The following OR10H1 variants were observed in gnomAD, a reference collection of about 807,000 sequenced individuals.
The protein encoded by OR10H1 is olfactory receptor 10H1.
In OR10H1, 12 loss-of-function variants were observed where a neutral mutation model predicts 13.1. That is an observed-to-expected ratio of 0.92 (90% confidence interval 0.59 to 1.48). The LOEUF (loss-of-function observed/expected upper bound fraction) is 1.48. Among genes scored for constraint, OR10H1 ranks in the 40% most tolerant of loss-of-function variants. The probability of loss-of-function intolerance (pLI) is 0.00; values close to 1 mark genes in which losing one functional copy is unlikely to be tolerated. For synonymous variants in OR10H1, 168 were observed against 175.6 expected, an observed-to-expected ratio of 0.96 and a Z score of 0.34; for missense variants, 363 against 413.1, an observed-to-expected ratio of 0.88 and a Z score of 1.05.
intron 3 of OR10H1, 23 bp from the exon 4 acceptor site, chr19:15,808,071 G>C (rs778951587): frequency 6.4e-7 from 1 of 1,566,552 alleles, no homozygotes; most frequent in Non-Finnish European, 8.7e-7. Context: ...GTGACAGGGA[G>C]ATGTCAGTTA....
rs142695544 is a variant in OR10H1 at position 15,806,021 on chromosome 19, G to A, written c.*1060C>T. Reference sequence around the variant, plus strand: ...GATCTGTGCAATGCTGAAATTTAGGGTACTTTTCTCTCCTCTGCTATAATC... The same window carrying A: ...GATCTGTGCAATGCTGAAATTTAGGATACTTTTCTCTCCTCTGCTATAATC... On this transcript the variant is annotated 3_prime_UTR_variant, in exon 4 of 4. Transcript: ENST00000641419. 10 of 152,242 alleles carry A rather than the reference G, an allele frequency of 6.6e-5. No homozygotes were observed. The highest frequency in any genetic ancestry group is 2.0e-4 in the Admixed American group (3 of 15,280). 9.4% of individuals were successfully genotyped at this position (152,242 alleles called of 1,614,324 possible). A position where few individuals can be genotyped will look rare whatever the true frequency, so the allele number is the denominator to read the frequency against.
chr19:15,808,395 G>A (rs1196071316), intron 3 of OR10H1, among the ~76,000 whole-genome samples: 2 of 152,072 alleles, frequency 1.3e-5, no homozygotes, highest in Non-Finnish European at 2.9e-5. Flanking sequence ...GCCCCCAAAC[G>A]AAAATGCTCC....
chr19:15,810,985 G>T (rs913974742), intron 2 of OR10H1, among the ~76,000 whole-genome samples: 3 of 152,132 alleles, frequency 2.0e-5, no homozygotes, highest in Non-Finnish European at 4.4e-5. Context: ...ATTTTAGAAA[G>T]GGTAGTTCAC....
chr19:15,814,468 TGTGTGTGTGTGTGAGAGAGAGAGAGA>T lies in OR10H1; in HGVS notation c.-778+1061_-778+1086del, dbSNP rs61130435. Among the ~76,000 whole-genome samples, 504 of 106,296 alleles carry T rather than the reference TGTGTGTGTGTGTGAGAGAGAGAGAGA, an allele frequency of 4.7e-3. 1 individual carries two copies. Among genetic ancestry groups the T allele is most frequent in the African/African-American group, 0.016 (465 of 28,518 alleles). The allele number at this position is 106,296 out of a possible 152,430, so 69.7% of individuals were successfully genotyped here. On this transcript the variant is annotated intron_variant, in intron 1 of 3. Transcript: ENST00000641419. The stretch of plus-strand genomic sequence containing the variant: ...CCTTGTGTGTGTGTGTGTGTGTGTG[TGTGTGTGTGTGTGAGAGAGAGAGAGA>T]GAGAGAGAGAGAGAGAGAGAGAGAG...
At chr19:15,814,313 C>T (rs184953392) in intron 1 of OR10H1, among the ~76,000 whole-genome samples, 1 of 152,226 alleles carries the variant, frequency 6.6e-6, no homozygotes, top group East Asian at 1.9e-4. Context: ...CATCCTGGCT[C>T]TCTCTTCTTA....
At chr19:15,814,309 G>A (rs914608873) in intron 1 of OR10H1, among the ~76,000 whole-genome samples, 1 of 151,992 alleles carries the variant, frequency 6.6e-6, no homozygotes, top group Non-Finnish European at 1.5e-5. Flanking sequence ...CACCCATCCT[G>A]GCTCTCTCTT....
At chr19:15,810,887 A>G (rs894105402) in intron 2 of OR10H1, among the ~76,000 whole-genome samples, 1 of 118,666 alleles carries the variant, frequency 8.4e-6, no homozygotes, top group Non-Finnish European at 1.7e-5. Context: ...AAATAAAGAA[A>G]TAAAATAAAA....
At position 15,805,841 on chromosome 19, in the gene OR10H1, C is replaced by T. The variant is rs1327386899; in HGVS notation, c.*1240G>A. On this transcript the variant is annotated 3_prime_UTR_variant, in exon 4 of 4. Coordinates refer to ENST00000641419, the MANE Select transcript of OR10H1 (RefSeq NM_013940.4). ...TGAGCCGTGTCAACTTCTAACACAG[C>T]ATTCGGTATCTCACAGTGTGACTTT... is the stretch of plus-strand genomic sequence containing the variant. 1 of 129,134 alleles carries T rather than the reference C, an allele frequency of 7.7e-6. No homozygotes were observed. Among genetic ancestry groups the T allele is most frequent in the African/African-American group, 3.2e-5 (1 of 30,918 alleles). 8.0% of individuals were successfully genotyped at this position (129,134 alleles called of 1,614,324 possible).
Sources: gnomAD v4.1 joint callset for allele counts (sites outside exome capture counted in the v4.1 genomes callset) on GRCh38, gnomAD v4.1.1 for gene constraint, MANE v1.5 for transcripts, NCBI Gene and HGNC (gene_info 2026-07-23, HGNC 2026-07-21) for gene names.